Variants in LUZP2 observed in about 807,000 individuals in gnomAD.
LUZP2 encodes leucine zipper protein 2.
LUZP2 carries 52 observed loss-of-function variants against 51.6 expected under a neutral mutation model. The ratio of observed to expected loss-of-function variants is 1.01; its 90% CI spans 0.81 to 1.27. The LOEUF is 1.27. Ranked by LOEUF, LUZP2 falls within the 50% of genes most tolerant of loss-of-function variation. LUZP2 has a pLI of 0.00. For missense variants in LUZP2, 436 were observed against 395.4 expected (o/e 1.10, Z -0.87); for synonymous variants, 154 against 137.3 (o/e 1.12, Z -0.85).
chr11:24,685,344 C>T (rs1856866336), intron 1 of LUZP2, among the ~76,000 whole-genome samples: 1 of 152,126 alleles, frequency 6.6e-6, no homozygotes, highest in East Asian at 1.9e-4. Context: ...TAAAAACCAA[C>T]GTTAAAGTCC....
At chr11:24,811,795 A>G (rs1850031261) in intron 5 of LUZP2, among the ~76,000 whole-genome samples, 1 of 152,098 alleles carries the variant, frequency 6.6e-6, no homozygotes, top group African/African-American at 2.4e-5. Context: ...CGTCCTTCCT[A>G]GATTATATTA....
intron 5 of LUZP2, among the ~76,000 whole-genome samples, chr11:24,775,534 T>A (rs1848891614): frequency 6.6e-6 from 1 of 152,212 alleles, no homozygotes; most frequent in Admixed American, 6.5e-5. Context: ...TGTTGTAGAC[T>A]TTTTACTTAG....
chr11:24,997,461 G>T (rs1349957524), intron 9 of LUZP2, among the ~76,000 whole-genome samples: 1 of 152,028 alleles, frequency 6.6e-6, no homozygotes, highest in Non-Finnish European at 1.5e-5. Flanking sequence ...CTTTTTGATG[G>T]GGTTGTTTGT....
At chr11:24,921,236 C>A (rs1854043539) in intron 7 of LUZP2, among the ~76,000 whole-genome samples, 1 of 152,186 alleles carries the variant, frequency 6.6e-6, no homozygotes, top group South Asian at 2.1e-4. Context: ...CAAAGAGGAA[C>A]CACATGTGCG....
At chr11:24,954,088 T>C (rs549736504) in intron 7 of LUZP2, among the ~76,000 whole-genome samples, 1 of 152,086 alleles carries the variant, frequency 6.6e-6, no homozygotes, top group South Asian at 2.1e-4. Flanking sequence ...TGGCAAACAC[T>C]TGTTACAGCA....
chr11:25,015,274 A>G (rs1857117109), intron 9 of LUZP2, among the ~76,000 whole-genome samples: 1 of 152,216 alleles, frequency 6.6e-6, no homozygotes, highest in Admixed American at 6.5e-5. Flanking sequence ...ACGATAGTAC[A>G]GAGAATTCCT....
intron 5 of LUZP2, chr11:24,786,377 T>C: frequency 2.0e-6 from 2 of 982,502 alleles, no homozygotes; most frequent in South Asian, 4.7e-5. Flanking sequence ...GACCCTTCTA[T>C]ATAAATAATA....
intron 5 of LUZP2, among the ~76,000 whole-genome samples, chr11:24,903,593 G>C (rs753037461): frequency 1.8e-4 from 27 of 152,080 alleles, no homozygotes; most frequent in Non-Finnish European, 2.6e-4. Context: ...CCTCCTTGGA[G>C]TTATTGCGTA....
intron 9 of LUZP2, among the ~76,000 whole-genome samples, chr11:25,005,121 C>G (rs1306349297): frequency 6.6e-6 from 1 of 152,120 alleles, no homozygotes; most frequent in Non-Finnish European, 1.5e-5. Context: ...AAATTCCCCA[C>G]CCCCTACAGC....
chr11:24,542,994 T>C (rs1435550199), intron 1 of LUZP2, among the ~76,000 whole-genome samples: 1 of 150,604 alleles, frequency 6.6e-6, no homozygotes, highest in Non-Finnish European at 1.5e-5. Context: ...AACACCAAGG[T>C]TTACTACAAG....
At chr11:24,965,832 A>G (rs532362227) in intron 7 of LUZP2, among the ~76,000 whole-genome samples, 1 of 151,932 alleles carries the variant, frequency 6.6e-6, no homozygotes, top group South Asian at 2.1e-4. Flanking sequence ...AGATGTGTCT[A>G]TTACTATAGA....
At chr11:24,688,122 A>G (rs938992648) in intron 1 of LUZP2, among the ~76,000 whole-genome samples, 2 of 152,130 alleles carry the variant, frequency 1.3e-5, no homozygotes, top group African/African-American at 4.8e-5. Context: ...TAAGTTTATA[A>G]TGATAATAAC....
chr11:25,027,271 A>C (rs2133984092), intron 9 of LUZP2, among the ~76,000 whole-genome samples: 1 of 152,272 alleles, frequency 6.6e-6, no homozygotes. Context: ...AGCTTAGTAC[A>C]GTGATATTTA....
intron 1 of LUZP2, among the ~76,000 whole-genome samples, chr11:24,530,426 C>T (rs892859648): frequency 6.6e-6 from 1 of 150,818 alleles, no homozygotes; most frequent in South Asian, 2.1e-4. Context: ...TATATGTGTA[C>T]ACACACATAC....
chr11:24,835,517 C>T (rs1187728081), intron 5 of LUZP2, among the ~76,000 whole-genome samples: 2 of 152,086 alleles, frequency 1.3e-5, no homozygotes, highest in East Asian at 3.9e-4. Context: ...TCAGAATGAA[C>T]AGGCAACCTA....
At chr11:24,524,084 A>G (rs1850723854) in intron 1 of LUZP2, among the ~76,000 whole-genome samples, 1 of 151,806 alleles carries the variant, frequency 6.6e-6, no homozygotes, top group Admixed American at 6.6e-5. Context: ...CTAGTCCTCA[A>G]ATTAATTTTT....
At chr11:24,569,293 G>A (rs1342378939) in intron 1 of LUZP2, among the ~76,000 whole-genome samples, 2 of 151,910 alleles carry the variant, frequency 1.3e-5, no homozygotes, top group African/African-American at 4.8e-5. Flanking sequence ...TCAGCATATA[G>A]TATTTTCAAG....
rs536888795 is a variant in LUZP2 at position 24,968,432 on chromosome 11, T to C, written c.523-8159T>C. Among the ~76,000 whole-genome samples the C allele has an allele frequency of 3.9e-3, 601 of 152,294 alleles. 3 individuals are homozygous for C. Among genetic ancestry groups the C allele is most frequent in the African/African-American group, 0.014 (569 of 41,556 alleles). On this transcript the variant is annotated intron_variant, in intron 7 of 11. Transcript: ENST00000336930. ...TGGGCTGTAGTTTGCCAACAACTCT[T>C]TAGTGCTTAGCTATTAATCTAAAGA...
At chr11:24,630,122 T>C (rs1308635289) in intron 1 of LUZP2, among the ~76,000 whole-genome samples, 2 of 152,164 alleles carry the variant, frequency 1.3e-5, no homozygotes, top group Non-Finnish European at 2.9e-5. Context: ...TTGTAAATAT[T>C]TTCTTGCATC....
Sources: gnomAD v4.1 joint callset for allele counts (sites outside exome capture counted in the v4.1 genomes callset) on GRCh38, gnomAD v4.1.1 for gene constraint, MANE v1.5 for transcripts, NCBI Gene and HGNC (gene_info 2026-07-23, HGNC 2026-07-21) for gene names.